CSMD1: variants seen among roughly 807,000 people sequenced by gnomAD.
CSMD1 encodes the protein CUB and Sushi multiple domains 1.
In CSMD1, 213 loss-of-function variants were observed where a neutral mutation model predicts 417.5. The ratio of observed to expected loss-of-function variants is 0.51; its 90% CI spans 0.46 to 0.57. CSMD1 has a LOEUF of 0.57. Ranked by LOEUF, CSMD1 falls within the 20% of genes least tolerant of loss-of-function variation. CSMD1 has a pLI of 0.00. For synonymous variants in CSMD1, 2,862 were observed against 1,736.8 expected (o/e 1.65, Z -16.11); for missense variants, 6,923 against 4,529.7 (o/e 1.53, Z -15.17).
intron 5 of CSMD1, among the ~76,000 whole-genome samples, chr8:3,839,145 T>C (rs1315295169): frequency 7.1e-5 from 9 of 126,736 alleles, no homozygotes; most frequent in Middle Eastern, 0.012. Context: ...ATATATATAG[T>C]CTATATATCT....
At position 3,291,770 on chromosome 8, in the gene CSMD1, A is replaced by G. The variant is rs1321216906; in HGVS notation, c.3951-7424T>C. On this transcript the variant is annotated intron_variant, in intron 25 of 69. Transcript: ENST00000635120. ...TTATCAGTTTTGTTGATCTGTCCAA[A>G]AAGTCAGCTCCTGGATTCATTGACT... Among the ~76,000 whole-genome samples, 5 of 151,930 alleles carry G rather than the reference A, an allele frequency of 3.3e-5. 1 individual carries two copies. The highest frequency in any genetic ancestry group is 1.2e-4 in the African/African-American group (5 of 41,256).
intron 26 of CSMD1, among the ~76,000 whole-genome samples, chr8:3,251,364 A>T (rs537394769): frequency 3.3e-5 from 5 of 152,286 alleles, no homozygotes; most frequent in Admixed American, 2.6e-4. Flanking sequence ...GTCAAAGATC[A>T]GATAGTTGTA....
At chr8:3,116,384 G>C (rs1196983431) in intron 42 of CSMD1, among the ~76,000 whole-genome samples, 1 of 152,102 alleles carries the variant, frequency 6.6e-6, no homozygotes, top group African/African-American at 2.4e-5. Flanking sequence ...CATCCTCCTG[G>C]ACTCTGCCAC....
At chr8:3,834,771 G>C (rs568050464) in intron 5 of CSMD1, among the ~76,000 whole-genome samples, 1 of 151,916 alleles carries the variant, frequency 6.6e-6, no homozygotes, top group Non-Finnish European at 1.5e-5. Flanking sequence ...AATAGGAAGA[G>C]CTCAAGGCAA....
chr8:4,627,639 C>T (rs1802196688), intron 2 of CSMD1, among the ~76,000 whole-genome samples: 2 of 152,144 alleles, frequency 1.3e-5, no homozygotes, highest in Non-Finnish European at 2.9e-5. Context: ...CGATGCCCAA[C>T]ATCACCTCCC....
intron 25 of CSMD1, among the ~76,000 whole-genome samples, chr8:3,291,508 GTT>G (rs1803558061): frequency 1.3e-5 from 2 of 152,126 alleles, no homozygotes; most frequent in South Asian, 4.1e-4. Flanking sequence ...TTCAGACCCT[GTT>G]ATTGGTCTAT....
rs73660815 is a variant in CSMD1, at chr8:4,441,972, G to A, written c.303-21907C>T. 3.3e-3 allele frequency among the ~76,000 whole-genome samples: 506 copies of A among 152,160 alleles called. 3 individuals carry two copies. The highest frequency in any genetic ancestry group is 0.012 in the African/African-American group (481 of 41,516). On this transcript the variant is annotated intron_variant, in intron 2 of 69. Coordinates refer to ENST00000635120, the MANE Select transcript of CSMD1 (RefSeq NM_033225.6). ...GAGAAACTCAGGGGCCAAATGTTCC[G>A]AAAACCAAATAATAAAAGGTAGACT...
intron 6 of CSMD1, among the ~76,000 whole-genome samples, chr8:3,717,808 A>G (rs181970405): frequency 1.3e-5 from 2 of 152,316 alleles, no homozygotes; most frequent in African/African-American, 4.8e-5. Flanking sequence ...TAATGTATTT[A>G]ATTCCTTTAT....
chr8:4,543,427 A>G (rs1241328410), intron 2 of CSMD1, among the ~76,000 whole-genome samples: 2 of 152,068 alleles, frequency 1.3e-5, no homozygotes, highest in African/African-American at 2.4e-5. Flanking sequence ...TATTTTACTT[A>G]GCATTGTGCA....
At chr8:4,627,579 T>A (rs770348128) in intron 2 of CSMD1, among the ~76,000 whole-genome samples, 4 of 152,146 alleles carry the variant, frequency 2.6e-5, no homozygotes, top group Non-Finnish European at 5.9e-5. Context: ...GATTTCTTCA[T>A]GAAATTTGAT....
rs10606022 is a variant in CSMD1 at position 4,372,631 on chromosome 8, TAAAAA to T, written c.415+47317_415+47321del. 8.9e-3 allele frequency among the ~76,000 whole-genome samples: 1,293 copies of T among 145,446 alleles called. 19 individuals carry two copies. Among genetic ancestry groups the T allele is most frequent in the African/African-American group, 0.029 (1,168 of 39,798 alleles). ...TTACTGTCAGAAAGTAAGGAAGTGT[TAAAAA>T]AAAAAAAAAAAATCACAAACAAAAA... On this transcript the variant is annotated intron_variant, in intron 3 of 69. Coordinates refer to ENST00000635120, the MANE Select transcript of CSMD1 (RefSeq NM_033225.6).
intron 2 of CSMD1, among the ~76,000 whole-genome samples, chr8:4,524,203 TA>T (rs775525659): frequency 2.6e-5 from 4 of 151,410 alleles, no homozygotes; most frequent in Non-Finnish European, 5.9e-5. Flanking sequence ...GAAATTAAAA[TA>T]TATTTATATA....
At chr8:4,597,393 C>G (rs1016998760) in intron 2 of CSMD1, among the ~76,000 whole-genome samples, 1 of 152,100 alleles carries the variant, frequency 6.6e-6, no homozygotes, top group African/African-American at 2.4e-5. Flanking sequence ...TTGACCTGAC[C>G]AAGGTTAAAT....
At position 4,266,380 on chromosome 8, in the gene CSMD1, G is replaced by A. The variant is rs544935171; in HGVS notation, c.415+153573C>T. Among the ~76,000 whole-genome samples, 155 of 104,872 alleles carry A rather than the reference G, an allele frequency of 1.5e-3. 52 individuals carry two copies. The highest frequency in any genetic ancestry group is 3.5e-3 in the Non-Finnish European group (135 of 38,908). The allele number at this position is 104,872 out of a possible 152,430, so 68.8% of individuals were successfully genotyped here. A position where few individuals can be genotyped will look rare whatever the true frequency, so the allele number is the denominator to read the frequency against. On this transcript the variant is annotated intron_variant, in intron 3 of 69. Transcript: ENST00000635120. Reference sequence around the variant, plus strand: ...TTTTAATATTTTCAAGAATATATTTGAAAATATTAATATAGTTCATTTTAT... The same window carrying A: ...TTTTAATATTTTCAAGAATATATTTAAAAATATTAATATAGTTCATTTTAT...
chr8:4,758,477 G>C (rs989233590), intron 1 of CSMD1, among the ~76,000 whole-genome samples: 5 of 152,166 alleles, frequency 3.3e-5, no homozygotes, highest in East Asian at 1.9e-4. Context: ...GCTCAGAAAA[G>C]AAAGAGATCC....
chr8:3,933,206 A>C (rs1249912754), intron 5 of CSMD1, among the ~76,000 whole-genome samples: 2 of 152,228 alleles, frequency 1.3e-5, no homozygotes, highest in South Asian at 4.1e-4. Context: ...TTCCAAAACA[A>C]TTTCTTGTTA....
At chr8:3,078,565 G>T (rs569426029) in intron 49 of CSMD1, among the ~76,000 whole-genome samples, 1 of 152,168 alleles carries the variant, frequency 6.6e-6, no homozygotes, top group East Asian at 1.9e-4. Flanking sequence ...TGGCCTGTGG[G>T]TCGAAACCAG....
chr8:3,891,575 T>C (rs1806977156), intron 5 of CSMD1, among the ~76,000 whole-genome samples: 1 of 152,024 alleles, frequency 6.6e-6, no homozygotes. Flanking sequence ...CTCAACTAGT[T>C]GGGAGGCTGA....
At chr8:3,884,376 G>A (rs1563176206) in intron 5 of CSMD1, among the ~76,000 whole-genome samples, 1 of 152,128 alleles carries the variant, frequency 6.6e-6, no homozygotes. Context: ...TTAGTGACAT[G>A]GTGCTTGCCA....
Sources: gnomAD v4.1 joint callset for allele counts (sites outside exome capture counted in the v4.1 genomes callset) on GRCh38, gnomAD v4.1.1 for gene constraint, MANE v1.5 for transcripts, NCBI Gene and HGNC (gene_info 2026-07-23, HGNC 2026-07-21) for gene names.